Variants in AUTS2 observed in about 807,000 individuals in gnomAD.
AUTS2 encodes the protein autism susceptibility gene 2 protein.
AUTS2 carries 17 observed loss-of-function variants against 112.4 expected under a neutral mutation model. The ratio of observed to expected loss-of-function variants is 0.15; its 90% CI spans 0.10 to 0.23. The LOEUF is 0.23. Ranked by LOEUF, AUTS2 falls within the 10% of genes least tolerant of loss-of-function variation. The pLI is 1.00. For missense variants in AUTS2, 1,510 were observed against 1,701.6 expected (o/e 0.89, Z 1.98); for synonymous variants, 751 against 702.7 (o/e 1.07, Z -1.09).
At chr7:70,137,802 T>C (rs1224357898) in intron 4 of AUTS2, among the ~76,000 whole-genome samples, 4 of 152,194 alleles carry the variant, frequency 2.6e-5, no homozygotes, top group African/African-American at 7.2e-5. Context: ...TGGAGCAAAG[T>C]TGGTCTCATC....
chr7:70,575,682 T>G (rs1802134475), intron 5 of AUTS2, among the ~76,000 whole-genome samples: 1 of 152,194 alleles, frequency 6.6e-6, no homozygotes, highest in South Asian at 2.1e-4. Flanking sequence ...GCAAAGCTAT[T>G]AAGTCTGTGA....
intron 2 of AUTS2, among the ~76,000 whole-genome samples, chr7:70,103,346 TA>T (rs1483912954): frequency 5.9e-5 from 9 of 152,142 alleles, no homozygotes; most frequent in Non-Finnish European, 1.2e-4. Context: ...AAATTAGTAA[TA>T]ATTATATCTG....
rs181492632 is a variant in AUTS2, at chr7:70,131,285, T to G, written c.625-3251T>G. On this transcript the variant is annotated intron_variant, in intron 3 of 18. Transcript: ENST00000342771. Reference sequence around the variant, plus strand: ...GGGCAACATAGTGAGATGCTATCTCTAGGAAAAAAAAAATAGCTGGGCACA... The same window carrying G: ...GGGCAACATAGTGAGATGCTATCTCGAGGAAAAAAAAAATAGCTGGGCACA... Among the ~76,000 whole-genome samples, 1,423 of 151,494 alleles carry G rather than the reference T, an allele frequency of 9.4e-3. 31 individuals are homozygous for G. Among genetic ancestry groups the G allele is most frequent in the African/African-American group, 0.033 (1,363 of 41,268 alleles).
chr7:70,714,178 C>G (rs909898559), intron 6 of AUTS2, among the ~76,000 whole-genome samples: 1 of 152,064 alleles, frequency 6.6e-6, no homozygotes, highest in Non-Finnish European at 1.5e-5. Context: ...TATCATGAAT[C>G]GGGAGCTTTT....
chr7:70,087,251 A>G (rs1486157412), intron 2 of AUTS2, among the ~76,000 whole-genome samples: 1 of 148,626 alleles, frequency 6.7e-6, no homozygotes, highest in Non-Finnish European at 1.5e-5. Flanking sequence ...TTAGTTTAAT[A>G]TGGCAAATTT....
intron 1 of AUTS2, among the ~76,000 whole-genome samples, chr7:69,755,577 A>G (rs1274516226): frequency 6.6e-6 from 1 of 152,178 alleles, no homozygotes; most frequent in Non-Finnish European, 1.5e-5. Context: ...TTTCCTGGGA[A>G]TACTTGAGGT....
intron 1 of AUTS2, among the ~76,000 whole-genome samples, chr7:69,704,464 G>C (rs949786030): frequency 6.6e-6 from 1 of 151,990 alleles, no homozygotes; most frequent in African/African-American, 2.4e-5. Flanking sequence ...ATTTTTAGTA[G>C]AGACGGGATT....
chr7:69,897,539 C>G (rs909653423), intron 1 of AUTS2, among the ~76,000 whole-genome samples: 1 of 151,072 alleles, frequency 6.6e-6, no homozygotes. Context: ...CCCAAAGTCC[C>G]CCATCTCCTG....
rs183637514 is a variant in AUTS2 at position 70,312,023 on chromosome 7, C to T, written c.661-123729C>T. On this transcript the variant is annotated intron_variant, in intron 4 of 18. Transcript: ENST00000342771. Reference sequence around the variant, plus strand: ...GCCACCGCGCCCGGCCACACTTGGCCGATTTTTGTATTTTTAATAGAGATG... The same window carrying T: ...GCCACCGCGCCCGGCCACACTTGGCTGATTTTTGTATTTTTAATAGAGATG... 5.3e-4 allele frequency among the ~76,000 whole-genome samples: 81 copies of T among 152,056 alleles called. 2 individuals carry two copies. Among genetic ancestry groups the T allele is most frequent in the Middle Eastern group, 3.4e-3 (1 of 292 alleles).
Position 70,766,166 on chromosome 7 carries a change from T to G in AUTS2, c.1521T>G (p.Ser507Arg). 1 of 1,614,044 alleles carries G rather than the reference T, an allele frequency of 6.2e-7. No individual in the cohort carries two copies. Among genetic ancestry groups the G allele is most frequent in the Non-Finnish European group, 8.5e-7 (1 of 1,180,022 alleles). The change falls in exon 9 of 19, where the codon AGT (serine) becomes AGG (arginine). Residue 507 changes from serine (S) to arginine (R), a missense_variant. Physicochemically the swap from Ser to Arg is moderately radical, Grantham distance 110 (BLOSUM62 -1). Coordinates refer to ENST00000342771, the MANE Select transcript of AUTS2 (RefSeq NM_015570.4). The surrounding 1 kb of genome is among the most constrained non-coding windows in gnomAD (Gnocchi z 4.8). ...ACACTCGTTTTTTGGCCTCTCAGAG[T>G]GCTGACCGCGGGGCTTCCCTGGGCC... ...ELNTRFLASQ[S>R]ADRGASLGPP...
intron 4 of AUTS2, among the ~76,000 whole-genome samples, chr7:70,361,193 C>T (rs750077071): frequency 6.1e-4 from 93 of 152,128 alleles, no homozygotes; most frequent in Admixed American, 2.4e-3. Context: ...ATTAGCTGGG[C>T]GTGGTGGCGG....
In AUTS2 at chr7:69,934,055, TAAAAGGAAA is replaced by T. The variant is rs1274059097; in HGVS notation, c.522+34559_522+34567del. 2.5e-4 allele frequency among the ~76,000 whole-genome samples: 38 copies of T among 152,354 alleles called. 1 individual carries two copies. In the East Asian group the frequency reaches 7.3e-3, roughly 29 times the overall value. ...ATTTATTATTTTTATTGTTTAGACT[TAAAAGGAAA>T]ACAGTTAGCTGCGGAATCTAGTTTT... On this transcript the variant is annotated intron_variant, in intron 2 of 18. Coordinates refer to ENST00000342771, the MANE Select transcript of AUTS2 (RefSeq NM_015570.4).
intron 6 of AUTS2, among the ~76,000 whole-genome samples, chr7:70,707,384 G>C (rs1342723969): frequency 6.6e-6 from 1 of 152,210 alleles, no homozygotes; most frequent in Non-Finnish European, 1.5e-5. Context: ...CGCGCACCTA[G>C]TAAGTGGTGG....
chr7:69,720,550 C>T (rs981029270), intron 1 of AUTS2, among the ~76,000 whole-genome samples: 3 of 152,188 alleles, frequency 2.0e-5, no homozygotes, highest in Non-Finnish European at 4.4e-5. Context: ...CCTTTTATAA[C>T]CACAGTCATG....
intron 6 of AUTS2, among the ~76,000 whole-genome samples, chr7:70,724,468 CAG>C (rs1786898509): frequency 2.8e-5 from 2 of 72,106 alleles, no homozygotes; most frequent in South Asian, 1.3e-3. Context: ...TTTTTTGAGA[CAG>C]AGTCTCGCTT....
intron 6 of AUTS2, among the ~76,000 whole-genome samples, chr7:70,711,612 C>T (rs761457845): frequency 1.3e-5 from 2 of 152,204 alleles, no homozygotes; most frequent in Non-Finnish European, 2.9e-5. Context: ...TGGTTCATGT[C>T]AGAGCAAATC....
At chr7:70,372,746 G>GA (rs368649264) in intron 4 of AUTS2, among the ~76,000 whole-genome samples, 21 of 149,430 alleles carry the variant, frequency 1.4e-4, no homozygotes, top group African/African-American at 3.9e-4. Context: ...AAACAAAGAG[G>GA]AAAAAAAAAT....
intron 1 of AUTS2, among the ~76,000 whole-genome samples, chr7:69,817,325 C>T (rs1310708754): frequency 2.6e-5 from 4 of 152,226 alleles, no homozygotes; most frequent in Admixed American, 2.0e-4. Context: ...GTTGCCTCTA[C>T]CCCTATTTGG....
At chr7:70,003,199 A>G (rs1220271893) in intron 2 of AUTS2, among the ~76,000 whole-genome samples, 1 of 135,432 alleles carries the variant, frequency 7.4e-6, no homozygotes, top group East Asian at 2.2e-4. Context: ...ATATGAATAT[A>G]TTATATATGA....
Sources: allele counts gnomAD v4.1 joint callset (sites outside exome capture counted in the v4.1 genomes callset), GRCh38; gene constraint gnomAD v4.1.1; non-coding constraint Gnocchi (gnomAD v3.1); transcripts MANE v1.5; gene names NCBI Gene and HGNC (gene_info 2026-07-23, HGNC 2026-07-21).